PPARGC1A: variants seen among roughly 807,000 people sequenced by gnomAD.
The protein encoded by PPARGC1A is PPARG coactivator 1 alpha.
PPARGC1A carries 25 observed loss-of-function variants against 88.7 expected under a neutral mutation model. The ratio of observed to expected loss-of-function variants is 0.28; its 90% confidence interval spans 0.21 to 0.39. The LOEUF (loss-of-function observed/expected upper bound fraction) is 0.39, where lower values mean the gene tolerates loss of function less well. Among genes scored for constraint, PPARGC1A ranks in the 10% least tolerant of loss-of-function variants. The pLI, the probability that PPARGC1A is intolerant of heterozygous loss-of-function variation, is 1.00. For synonymous variants in PPARGC1A, 363 were observed against 355.6 expected (o/e 1.02, Z -0.24); for missense variants, 880 against 968.7 (o/e 0.91, Z 1.22).
At chr4:24,137,840 C>T in the PPARGC1A span, among the ~76,000 whole-genome samples, 1 of 152,182 alleles carries the variant, frequency 6.6e-6, no homozygotes, top group African/African-American at 2.4e-5. Flanking sequence ...CCCTGAAATG[C>T]TATCCAAACA....
At chr4:24,130,745 T>C in the PPARGC1A span, among the ~76,000 whole-genome samples, 1 of 152,088 alleles carries the variant, frequency 6.6e-6, no homozygotes, top group Admixed American at 6.6e-5. Flanking sequence ...TAACATTTGG[T>C]GCTTCTATAA....
chr4:24,174,750 A>C, the PPARGC1A span, among the ~76,000 whole-genome samples: 70 of 152,188 alleles, frequency 4.6e-4, 1 homozygote, highest in African/African-American at 1.7e-3. Context: ...TTTGTCATCT[A>C]ACTCACTCCT....
chr4:24,228,540 G>T, the PPARGC1A span, among the ~76,000 whole-genome samples: 2 of 152,054 alleles, frequency 1.3e-5, no homozygotes, highest in Admixed American at 1.3e-4. Flanking sequence ...TAACTACTGG[G>T]TACTATGCTC....
the PPARGC1A span, among the ~76,000 whole-genome samples, chr4:23,914,340 C>T: frequency 5.3e-5 from 8 of 152,270 alleles, no homozygotes; most frequent in Admixed American, 5.2e-4. Flanking sequence ...TCACATACTG[C>T]CTTTTCAAAT....
At chr4:24,030,087 T>C in the PPARGC1A span, among the ~76,000 whole-genome samples, 2 of 152,180 alleles carry the variant, frequency 1.3e-5, no homozygotes, top group Non-Finnish European at 2.9e-5. Context: ...AATAACCTAT[T>C]GATGAGGACA....
At chr4:24,212,637 T>C in the PPARGC1A span, among the ~76,000 whole-genome samples, 1 of 152,210 alleles carries the variant, frequency 6.6e-6, no homozygotes, top group Non-Finnish European at 1.5e-5. Flanking sequence ...TGGTGATAAT[T>C]GGGCAACTTG....
intron 2 of PPARGC1A, among the ~76,000 whole-genome samples, chr4:23,837,365 A>T (rs1577453857): frequency 7.2e-6 from 1 of 138,988 alleles, no homozygotes; most frequent in Non-Finnish European, 1.5e-5. Context: ...CTATTACGGA[A>T]TTTTTTTGCA....
At chr4:23,910,253 A>G in the PPARGC1A span, among the ~76,000 whole-genome samples, 2 of 104,356 alleles carry the variant, frequency 1.9e-5, no homozygotes, top group African/African-American at 7.4e-5. Flanking sequence ...ATAAATATAT[A>G]TTATATATAT....
At chr4:24,044,277 C>T in the PPARGC1A span, among the ~76,000 whole-genome samples, 2 of 152,194 alleles carry the variant, frequency 1.3e-5, no homozygotes, top group Non-Finnish European at 2.9e-5. Flanking sequence ...GCCACTTTGT[C>T]ATCCTGGTCA....
At chr4:24,451,789 G>T in the PPARGC1A span, among the ~76,000 whole-genome samples, 15 of 152,136 alleles carry the variant, frequency 9.9e-5, no homozygotes, top group Non-Finnish European at 2.2e-4. Context: ...CGTTGGCCAG[G>T]ATGATCTCGA....
At chr4:24,444,042 T>C in the PPARGC1A span, among the ~76,000 whole-genome samples, 1 of 152,044 alleles carries the variant, frequency 6.6e-6, no homozygotes, top group Admixed American at 6.5e-5. Flanking sequence ...GTTGTTGTTA[T>C]TGTTGTTGTT....
At chr4:24,387,756 GAGAGAGAGAGAGAAAGAAAGAAAGAA>G in the PPARGC1A span, among the ~76,000 whole-genome samples, 1 of 77,934 alleles carries the variant, frequency 1.3e-5, no homozygotes, top group African/African-American at 5.4e-5. Flanking sequence ...AAGAGAGAGA[GAGAGAGAGAGAGAAAGAAAGAAAGAA>G]AGAAAGAAAG....
chr4:24,111,269 C>A, the PPARGC1A span, among the ~76,000 whole-genome samples: 24 of 152,248 alleles, frequency 1.6e-4, no homozygotes, highest in South Asian at 1.2e-3. Context: ...TTATTTGAAG[C>A]CTTCATCTCA....
At chr4:24,434,591 A>G in the PPARGC1A span, among the ~76,000 whole-genome samples, 3 of 152,288 alleles carry the variant, frequency 2.0e-5, no homozygotes, top group East Asian at 1.9e-4. Context: ...CTGGAAACTC[A>G]TGCTCTCTAA....
chr4:24,198,894 CA>C, the PPARGC1A span, among the ~76,000 whole-genome samples: 27 of 152,198 alleles, frequency 1.8e-4, no homozygotes, highest in Non-Finnish European at 2.8e-4. Context: ...CTATGGAGAA[CA>C]CTCTGAGCAG....
upstream of PPARGC1A, chr4:23,890,248 G>C: frequency 2.3e-6 from 1 of 426,952 alleles, no homozygotes. Context: ...AAAAAGAAAA[G>C]AAAGAAAGAA....
the PPARGC1A span, among the ~76,000 whole-genome samples, chr4:24,221,716 T>C: frequency 6.6e-6 from 1 of 152,116 alleles, no homozygotes; most frequent in Non-Finnish European, 1.5e-5. Context: ...AAGATTGCCG[T>C]GAGCTATGAT....
chr4:23,847,353 G>C (rs181109957), intron 2 of PPARGC1A, among the ~76,000 whole-genome samples: 5 of 152,256 alleles, frequency 3.3e-5, no homozygotes, highest in African/African-American at 4.8e-5. Context: ...CTGGCCCCTT[G>C]ACCGAAGGAG....
At chr4:24,333,677 T>C in the PPARGC1A span, among the ~76,000 whole-genome samples, 4 of 152,082 alleles carry the variant, frequency 2.6e-5, no homozygotes, top group Non-Finnish European at 4.4e-5. Flanking sequence ...CTCACACCTG[T>C]AATCCCAGCA....
Sources: gnomAD v4.1 joint callset for allele counts (sites outside exome capture counted in the v4.1 genomes callset) on GRCh38, gnomAD v4.1.1 for gene constraint, MANE v1.5 for transcripts, NCBI Gene and HGNC (gene_info 2026-07-23, HGNC 2026-07-21) for gene names.